The following CYP2C19 variants were observed in gnomAD, a reference collection of about 807,000 sequenced individuals.
CYP2C19 encodes the protein cytochrome P450 family 2 subfamily C member 19, also known as cytochrome P450 2C19.
A neutral mutation model predicts 40.9 loss-of-function variants in CYP2C19; 59 were observed. The observed-to-expected ratio is 1.44, with a 90% confidence interval of 1.17 to 1.79. The LOEUF (loss-of-function observed/expected upper bound fraction) is 1.79, where lower values mean the gene tolerates loss of function less well. Among genes scored for constraint, CYP2C19 ranks in the 40% most tolerant of loss-of-function variants. The pLI is 0.00. For missense variants in CYP2C19, 754 were observed against 596.9 expected (o/e 1.26, Z -2.74); for synonymous variants, 253 against 208.7 (o/e 1.21, Z -1.83).
chr10:94,782,926 A>C (rs564130564), intron 5 of CYP2C19, among the ~76,000 whole-genome samples: 38 of 152,112 alleles, frequency 2.5e-4, no homozygotes, highest in Non-Finnish European at 4.0e-4. Flanking sequence ...ACATAGACAC[A>C]GGATGAGGAA....
chr10:94,852,697 T>C, intron 8 of CYP2C19, 36 bp from the exon 9 acceptor site: 2 of 1,606,860 alleles, frequency 1.2e-6, no homozygotes, highest in Non-Finnish European at 1.7e-6. Context: ...CAGTTACACA[T>C]GAGGAGTAAC....
chr10:94,831,008 T>C (rs1435751536), intron 6 of CYP2C19, among the ~76,000 whole-genome samples: 1 of 152,216 alleles, frequency 6.6e-6, no homozygotes, highest in Non-Finnish European at 1.5e-5. Flanking sequence ...TATTCATCCC[T>C]ACTTCCCTTC....
At chr10:94,771,081 G>A (rs949404957) in intron 1 of CYP2C19, among the ~76,000 whole-genome samples, 2 of 152,122 alleles carry the variant, frequency 1.3e-5, no homozygotes, top group Admixed American at 1.3e-4. Flanking sequence ...GGACATCTAT[G>A]TACCTATCAG....
intron 5 of CYP2C19, among the ~76,000 whole-genome samples, chr10:94,798,562 C>T (rs1848720896): frequency 6.6e-6 from 1 of 152,144 alleles, no homozygotes; most frequent in South Asian, 2.1e-4. Context: ...CCTTTTGTCT[C>T]ATTGATCTGT....
At chr10:94,764,050 C>T (rs1848209447) in intron 1 of CYP2C19, among the ~76,000 whole-genome samples, 1 of 152,064 alleles carries the variant, frequency 6.6e-6, no homozygotes, top group Non-Finnish European at 1.5e-5. Flanking sequence ...TCTGGTCTCG[C>T]TGGCTTCAGG....
rs1849682014 is a variant in CYP2C19 at position 94,853,235 on chromosome 10, A to G, written c.*321A>G. The G allele has an allele frequency of 2.6e-6, 1 of 379,316 alleles. No homozygotes were observed. Among genetic ancestry groups the G allele is most frequent in the Non-Finnish European group, 4.8e-6 (1 of 209,820 alleles). 23.5% of individuals were successfully genotyped at this position (379,316 alleles called of 1,614,324 possible). ...AAGGCATTTCTTCTCTGCATGTTCT[A>G]AACAAAAAGCATTATTATTTGCTGA... On this transcript the variant is annotated 3_prime_UTR_variant, in exon 9 of 9. Transcript: ENST00000371321.
chr10:94,818,923 C>A (rs1214845689), intron 5 of CYP2C19, among the ~76,000 whole-genome samples: 5 of 152,094 alleles, frequency 3.3e-5, no homozygotes, highest in Non-Finnish European at 7.3e-5. Context: ...ACTTCCAAAT[C>A]AACAGAATAT....
At chr10:94,791,001 C>A (rs1298212017) in intron 5 of CYP2C19, among the ~76,000 whole-genome samples, 4 of 151,988 alleles carry the variant, frequency 2.6e-5, no homozygotes, top group Non-Finnish European at 4.4e-5. Context: ...TGGTTCTGGA[C>A]TTTTTTTGGT....
intron 7 of CYP2C19, 127 bp downstream of exon 7, chr10:94,843,151 G>A: frequency 8.5e-7 from 1 of 1,181,360 alleles, no homozygotes; most frequent in Non-Finnish European, 1.2e-6. Context: ...AGTTTAATTG[G>A]ACTTTCTGTT....
chr10:94,783,909 G>A (rs1013328696), intron 5 of CYP2C19, among the ~76,000 whole-genome samples: 1 of 152,084 alleles, frequency 6.6e-6, no homozygotes, highest in Admixed American at 6.6e-5. Flanking sequence ...AAAAATTGAA[G>A]TAAAATTCAC....
chr10:94,837,999 C>T (rs1472256846), intron 6 of CYP2C19, among the ~76,000 whole-genome samples: 1 of 152,160 alleles, frequency 6.6e-6, no homozygotes, highest in Non-Finnish European at 1.5e-5. Context: ...ATATAATTTT[C>T]CCAACTTTTC....
chr10:94,822,557 T>C (rs915574587), intron 6 of CYP2C19, among the ~76,000 whole-genome samples: 1 of 152,180 alleles, frequency 6.6e-6, no homozygotes, highest in Non-Finnish European at 1.5e-5. Flanking sequence ...GTCTTTTTGA[T>C]AGAATGAATT....
rs143833145 is a variant in CYP2C19 at position 94,842,882 on chromosome 10, G to T, written c.1007G>T (p.Ser336Ile). 100 of 1,614,034 alleles carry T rather than the reference G, an allele frequency of 6.2e-5. No individual in the cohort carries two copies. In the African/African-American group the frequency reaches 1.1e-3, roughly 18 times the overall value. ...GAACGTGTCATTGGCAGAAACCGGA[G>T]CCCCTGCATGCAGGACAGGGGCCAC... is the stretch of plus-strand genomic sequence containing the variant. ...EIERVIGRNRSPCMQDRGHMP... is the reference protein window; with the variant it reads ...EIERVIGRNRIPCMQDRGHMP... Residue 336 changes from serine (S) to isoleucine (I), a missense_variant, in exon 7 of 9, where the codon AGC becomes ATC. Coordinates refer to ENST00000371321, the MANE Select transcript of CYP2C19 (RefSeq NM_000769.4).
intron 1 of CYP2C19, among the ~76,000 whole-genome samples, chr10:94,765,484 G>C (rs539992978): frequency 1.3e-5 from 2 of 152,138 alleles, no homozygotes; most frequent in Admixed American, 1.3e-4. Flanking sequence ...TAGAGTACTT[G>C]CCAAGGTAGC....
At chr10:94,776,079 T>G (rs1848405245) in intron 3 of CYP2C19, 1 of 159,504 alleles carries the variant, frequency 6.3e-6, no homozygotes, top group Admixed American at 5.8e-5. Context: ...CAGTTTTTAT[T>G]GCTTAGGCAT....
chr10:94,851,432 A>G (rs528346856), intron 8 of CYP2C19, among the ~76,000 whole-genome samples: 18 of 147,510 alleles, frequency 1.2e-4, no homozygotes, highest in African/African-American at 3.8e-4. Context: ...GAGACAAAGC[A>G]TACCAGCACA....
intron 6 of CYP2C19, among the ~76,000 whole-genome samples, chr10:94,821,965 C>T (rs1002812343): frequency 1.3e-5 from 2 of 152,044 alleles, no homozygotes; most frequent in Non-Finnish European, 1.5e-5. Flanking sequence ...TAGTGATCCT[C>T]AGTGTCTATT....
chr10:94,821,337 A>C (rs10786172), intron 6 of CYP2C19, among the ~76,000 whole-genome samples: 1 of 152,038 alleles, frequency 6.6e-6, no homozygotes, highest in Non-Finnish European at 1.5e-5. Flanking sequence ...AATTTTTCTC[A>C]TTCTCAAAAC....
In CYP2C19 at chr10:94,852,951, C is replaced by T; in HGVS notation, c.*37C>T. On this transcript the variant is annotated 3_prime_UTR_variant, in exon 9 of 9. Coordinates refer to ENST00000371321, the MANE Select transcript of CYP2C19 (RefSeq NM_000769.4). ...TGGTCTGGCTGCTCCTGTGCTGTCC[C>T]TGCAGCTCTCTTTCCTCTGGTCCAA... 1.2e-6 allele frequency: 2 copies of T among 1,605,172 alleles called. No homozygotes were observed. Among genetic ancestry groups the T allele is most frequent in the Non-Finnish European group, 1.7e-6 (2 of 1,173,430 alleles).
Sources: gnomAD v4.1 joint callset for allele counts (sites outside exome capture counted in the v4.1 genomes callset) on GRCh38, gnomAD v4.1.1 for gene constraint, MANE v1.5 for transcripts, NCBI Gene and HGNC (gene_info 2026-07-23, HGNC 2026-07-21) for gene names.